Variants in AMTN observed in about 807,000 individuals in gnomAD.
The protein encoded by AMTN is RSTI689.
A neutral mutation model predicts 27.4 loss-of-function variants in AMTN; 29 were observed. The ratio of observed to expected loss-of-function variants is 1.06; its 90% CI spans 0.79 to 1.44. The LOEUF (loss-of-function observed/expected upper bound fraction) is 1.44. AMTN is among the 40% of genes most tolerant of loss of function. AMTN has a pLI of 0.00. For synonymous variants in AMTN, 86 were observed against 95.7 expected (o/e 0.90, Z 0.59); for missense variants, 247 against 248.8 (o/e 0.99, Z 0.05).
chr4:70,529,783 C>T (rs1736178524), intron 7 of AMTN, among the ~76,000 whole-genome samples: 2 of 152,104 alleles, frequency 1.3e-5, no homozygotes, highest in Non-Finnish European at 2.9e-5. Flanking sequence ...GATATCTAAA[C>T]ATGACAACAG....
chr4:70,522,847 C>G lies in AMTN; in HGVS notation c.138+9C>G. ...AACAGCAGTCAAATCAGGTAAGAGTCCTACAATATGGAACATGTACAAACC... is the reference window on the plus strand; with the variant it reads ...AACAGCAGTCAAATCAGGTAAGAGTGCTACAATATGGAACATGTACAAACC... On this transcript the variant is annotated intron_variant, in intron 3 of 8. Coordinates refer to ENST00000339336, the MANE Select transcript of AMTN (RefSeq NM_212557.4). 6.2e-7 allele frequency: 1 copy of G among 1,612,472 alleles called. No homozygotes were observed. Among genetic ancestry groups the G allele is most frequent in the Non-Finnish European group, 8.5e-7 (1 of 1,178,720 alleles).
rs867588861 is a variant in AMTN, at chr4:70,531,146, AG to A, written c.467del (p.Gly156GlufsTer5). 4 of 1,613,954 alleles carry A rather than the reference AG, an allele frequency of 2.5e-6. No homozygotes were observed. The African/African-American group carries it at 5.3e-5, about 22-fold the overall frequency. On this transcript the variant is annotated frameshift_variant, in exon 8 of 9. Coordinates refer to ENST00000339336, the MANE Select transcript of AMTN (RefSeq NM_212557.4). LOFTEE classifies it high-confidence loss of function. Reference sequence around the variant, plus strand: ...ATGTCCAGGATGGAAGCCTTCCAGCAGGAGGAGCAGGTGTAAATCCTGCCAC... The same window carrying A: ...ATGTCCAGGATGGAAGCCTTCCAGCAGAGGAGCAGGTGTAAATCCTGCCAC... ...PDVQDGSLPA[G>X]GAGVNPATQG...
intron 2 of AMTN, among the ~76,000 whole-genome samples, chr4:70,521,755 G>A (rs1369887763): frequency 2.8e-5 from 4 of 140,984 alleles, no homozygotes; most frequent in African/African-American, 5.4e-5. Context: ...GAGTAGCTGG[G>A]ACTATAAGCG....
rs762763436 is a variant in AMTN, at chr4:70,531,057, C to T, written c.376C>T (p.Leu126Phe). 1.9e-6 allele frequency: 3 copies of T among 1,613,842 alleles called. No homozygotes were observed. The highest frequency in any genetic ancestry group is 3.3e-5 in the Admixed American group (2 of 60,000). The change falls in exon 8 of 9, where the codon CTC becomes TTC. Residue 126 changes from leucine (L) to phenylalanine (F), a missense_variant. By Grantham distance (22) the Leu-to-Phe change is conservative. Coordinates refer to ENST00000339336, the MANE Select transcript of AMTN (RefSeq NM_212557.4). ...ATTCCAGCCACAAATCTTCACGAGCCTCATCATCCATTCCTTGTTCCCGGG... is the reference window on the plus strand; with the variant it reads ...ATTCCAGCCACAAATCTTCACGAGCTTCATCATCCATTCCTTGTTCCCGGG... The part of the protein sequence containing the change: ...SEELPQIFTS[L>F]IIHSLFPGGI...
intron 2 of AMTN, 78 bp downstream of exon 2, chr4:70,518,909 C>A: frequency 1.7e-6 from 2 of 1,201,768 alleles, no homozygotes; most frequent in South Asian, 1.2e-5. Flanking sequence ...CTCTCCTGCC[C>A]TCCATCAAAA....
At chr4:70,519,148 T>C (rs1735890573) in intron 2 of AMTN, among the ~76,000 whole-genome samples, 1 of 152,162 alleles carries the variant, frequency 6.6e-6, no homozygotes, top group Admixed American at 6.5e-5. Flanking sequence ...CAAAAAGAAG[T>C]TTTTTCTTGG....
At chr4:70,530,926 C>T in intron 7 of AMTN, 113 bp from the exon 8 acceptor site, 1 of 1,420,980 alleles carries the variant, frequency 7.0e-7, no homozygotes, top group Middle Eastern at 2.0e-4. Context: ...TTGCTGTCTT[C>T]TCTGACTTTA....
rs763143860 is a variant in AMTN, at chr4:70,521,640, C to CTTTTTTTTTTT, written c.55-1089_55-1079dup. ...CCTAGAACAGATAATACCAACCTCTCTTTTTTTTTTTTTTTTTTTTTTTTT... is the reference window on the plus strand; with the variant it reads ...CCTAGAACAGATAATACCAACCTCTCTTTTTTTTTTTTTTTTTTTTTTTTTTTTTTTTTTTT... On this transcript the variant is annotated intron_variant, in intron 2 of 8. Transcript: ENST00000339336. 1.4e-3 allele frequency among the ~76,000 whole-genome samples: 106 copies of CTTTTTTTTTTT among 76,484 alleles called. 16 individuals are homozygous for CTTTTTTTTTTT. Among genetic ancestry groups the CTTTTTTTTTTT allele is most frequent in the Middle Eastern group, 8.8e-3 (1 of 114 alleles). 50.2% of individuals were successfully genotyped at this position (76,484 alleles called of 152,430 possible).
At position 70,532,439 on chromosome 4, in the gene AMTN, T is replaced by C. The variant is rs764577099; in HGVS notation, c.620-16T>C. 8.8e-6 allele frequency: 14 copies of C among 1,593,988 alleles called. No homozygotes were observed. In the Admixed American group the frequency reaches 2.2e-4, roughly 25 times the overall value. On this transcript the variant is annotated splice_polypyrimidine_tract_variant and intron_variant, in intron 8 of 8. Coordinates refer to ENST00000339336, the MANE Select transcript of AMTN (RefSeq NM_212557.4). The stretch of plus-strand genomic sequence containing the variant: ...ACTTTTTACCTACATTTAAAAGGTG[T>C]TTTATTTTCTTCCAGGAATTCAGTA...
At chr4:70,529,473 C>A (rs578066787) in intron 7 of AMTN, among the ~76,000 whole-genome samples, 1 of 152,234 alleles carries the variant, frequency 6.6e-6, no homozygotes, top group Non-Finnish European at 1.5e-5. Flanking sequence ...AAAGGCAGTG[C>A]ACATTTTTTA....
At chr4:70,519,036 G>A (rs1285721229) in intron 2 of AMTN, among the ~76,000 whole-genome samples, 2 of 152,138 alleles carry the variant, frequency 1.3e-5, no homozygotes, top group Non-Finnish European at 2.9e-5. Context: ...TTTTTTAAAT[G>A]CATCCACTCC....
intron 4 of AMTN, 48 bp downstream of exon 4, chr4:70,523,981 A>T: frequency 1.3e-6 from 2 of 1,487,800 alleles, no homozygotes; most frequent in Non-Finnish European, 1.9e-6. Flanking sequence ...AAATAAATAT[A>T]ATGCCTAATA....
At chr4:70,520,133 A>C (rs888139505) in intron 2 of AMTN, among the ~76,000 whole-genome samples, 1 of 152,180 alleles carries the variant, frequency 6.6e-6, no homozygotes, top group Non-Finnish European at 1.5e-5. Flanking sequence ...AACAAGCAAA[A>C]CTTTCCAGGA....
At chr4:70,530,095 A>G (rs1048591074) in intron 7 of AMTN, among the ~76,000 whole-genome samples, 2 of 152,332 alleles carry the variant, frequency 1.3e-5, no homozygotes, top group African/African-American at 4.8e-5. Context: ...TTTAGGCCTC[A>G]AAGGCAACAA....
At chr4:70,529,288 G>T in intron 7 of AMTN, 78 bp downstream of exon 7, 3 of 1,123,166 alleles carry the variant, frequency 2.7e-6, no homozygotes, top group South Asian at 4.0e-5. Context: ...AGTCTCTTTT[G>T]ACCATAAATC....
intron 3 of AMTN, 63 bp from the exon 4 acceptor site, chr4:70,523,805 C>A: frequency 7.2e-7 from 1 of 1,388,992 alleles, no homozygotes; most frequent in Non-Finnish European, 1.0e-6. Context: ...GGATATCCAC[C>A]ACTGACAGAG....
At chr4:70,521,612 C>T (rs1194074318) in intron 2 of AMTN, among the ~76,000 whole-genome samples, 1 of 138,160 alleles carries the variant, frequency 7.2e-6, no homozygotes, top group Non-Finnish European at 1.5e-5. Flanking sequence ...CTGAAAGGGA[C>T]CTCCTAGAAC....
intron 2 of AMTN, among the ~76,000 whole-genome samples, chr4:70,519,366 C>A (rs1182696131): frequency 1.3e-5 from 2 of 151,984 alleles, no homozygotes; most frequent in Non-Finnish European, 2.9e-5. Flanking sequence ...AATTAAAAAG[C>A]CCTATAACTC....
At chr4:70,520,328 A>AT (rs1410683380) in intron 2 of AMTN, among the ~76,000 whole-genome samples, 4 of 152,180 alleles carry the variant, frequency 2.6e-5, no homozygotes, top group African/African-American at 7.2e-5. Flanking sequence ...TAGACAAGGT[A>AT]TTTTTTATTA....
Sources: gnomAD v4.1 joint callset for allele counts (sites outside exome capture counted in the v4.1 genomes callset) on GRCh38, gnomAD v4.1.1 for gene constraint, MANE v1.5 for transcripts, NCBI Gene and HGNC (gene_info 2026-07-23, HGNC 2026-07-21) for gene names.